SDHB: variants seen among roughly 807,000 people sequenced by gnomAD.
SDHB encodes succinate dehydrogenase [ubiquinone] iron-sulfur subunit, mitochondrial.
Under a neutral mutation model 39.7 loss-of-function variants are expected in SDHB, and 21 were observed. The ratio of observed to expected loss-of-function variants is 0.53; its 90% CI spans 0.37 to 0.76. The LOEUF (loss-of-function observed/expected upper bound fraction) is 0.76. Among genes scored for constraint, SDHB ranks in the 30% least tolerant of loss-of-function variants. SDHB has a pLI of 0.00. For synonymous variants in SDHB, 118 were observed against 117.0 expected, an observed-to-expected ratio of 1.01 and a Z score of -0.06; for missense variants, 343 against 350.9, an observed-to-expected ratio of 0.98 and a Z score of 0.18.
chr1:17,053,707 C>G (rs546803164), intron 1 of SDHB, among the ~76,000 whole-genome samples: 28 of 151,966 alleles, frequency 1.8e-4, no homozygotes, highest in African/African-American at 3.1e-4. Flanking sequence ...ACGTCCCCCC[C>G]CCCCGCACCC....
chr1:17,052,510 G>A (rs984435550), intron 1 of SDHB: 2 of 152,222 alleles, frequency 1.3e-5, no homozygotes, highest in Admixed American at 1.3e-4. Context: ...TTTCTACAAT[G>A]CATTCTTAGA....
intron 3 of SDHB, among the ~76,000 whole-genome samples, chr1:17,030,345 C>T (rs2078015844): frequency 6.6e-6 from 1 of 152,238 alleles, no homozygotes; most frequent in East Asian, 1.9e-4. Context: ...AGAGGTAAGG[C>T]TTCTTCTATT....
At chr1:17,024,158 G>T in intron 5 of SDHB, 84 bp from the exon 6 acceptor site, 2 of 944,648 alleles carry the variant, frequency 2.1e-6, no homozygotes, top group Non-Finnish European at 3.3e-6. Flanking sequence ...TACCTTTGGG[G>T]TCAGTGCATG....
intron 2 of SDHB, among the ~76,000 whole-genome samples, chr1:17,040,125 T>C (rs1454573124): frequency 6.6e-6 from 1 of 152,222 alleles, no homozygotes; most frequent in Non-Finnish European, 1.5e-5. Context: ...TTTAGTACTT[T>C]AAAGATGGTA....
At chr1:17,045,479 T>C (rs946165241) in intron 1 of SDHB, among the ~76,000 whole-genome samples, 3 of 151,868 alleles carry the variant, frequency 2.0e-5, no homozygotes, top group Admixed American at 6.6e-5. Context: ...CTGGGTGTCG[T>C]AGTGTGCGTC....
chr1:17,023,943 T>C, intron 6 of SDHB, 30 bp downstream of exon 6: 3 of 1,540,844 alleles, frequency 1.9e-6, no homozygotes, highest in South Asian at 2.2e-5. Context: ...GAGTTTCAAT[T>C]TCTCTTAAAG....
intron 3 of SDHB, among the ~76,000 whole-genome samples, chr1:17,029,770 C>T (rs979036795): frequency 2.6e-5 from 4 of 152,138 alleles, no homozygotes; most frequent in Non-Finnish European, 5.9e-5. Context: ...GTCACCCAGG[C>T]TGAAGTACAG....
chr1:17,049,172 G>A (rs1250273122), intron 1 of SDHB, among the ~76,000 whole-genome samples: 1 of 152,102 alleles, frequency 6.6e-6, no homozygotes, highest in Admixed American at 6.5e-5. Context: ...GCTAATTTTT[G>A]TAGAGACAGG....
chr1:17,027,541 C>T, intron 5 of SDHB: 1 of 578,816 alleles, frequency 1.7e-6, no homozygotes, highest in South Asian at 1.9e-5. Flanking sequence ...GGGCACAGGG[C>T]TCTAGCTCCT....
chr1:17,021,431 G>T (rs1020922649), intron 7 of SDHB, among the ~76,000 whole-genome samples: 1 of 150,622 alleles, frequency 6.6e-6, no homozygotes, highest in African/African-American at 2.4e-5. Context: ...AACACAGTGA[G>T]ACCCTGTCTT....
chr1:17,031,709 C>T (rs982448971), intron 3 of SDHB, among the ~76,000 whole-genome samples: 3 of 152,036 alleles, frequency 2.0e-5, no homozygotes, highest in Non-Finnish European at 4.4e-5. Flanking sequence ...AGCCATGGGC[C>T]GGTATCAATA....
chr1:17,027,881 A>G lies in SDHB; in HGVS notation c.424-16T>C, dbSNP rs754406155. On this transcript the variant is annotated splice_polypyrimidine_tract_variant and intron_variant, in intron 4 of 7. Coordinates refer to ENST00000375499, the MANE Select transcript of SDHB (RefSeq NM_003000.3). ...TGCTCAAATCCTGTGGTTAAGAGGA[A>G]GAAGAAGAAGAAGAAGAAGAAAAGG... 2.7e-6 allele frequency: 3 copies of G among 1,094,670 alleles called. No individual in the cohort carries two copies. Among genetic ancestry groups the G allele is most frequent in the Admixed American group, 1.9e-5 (1 of 54,052 alleles). 67.8% of individuals were successfully genotyped at this position (1,094,670 alleles called of 1,614,324 possible). A position where few individuals can be genotyped will look rare whatever the true frequency, so the allele number is the denominator to read the frequency against.
intron 2 of SDHB, among the ~76,000 whole-genome samples, chr1:17,033,459 T>C (rs2078034027): frequency 6.6e-6 from 1 of 152,238 alleles, no homozygotes; most frequent in Non-Finnish European, 1.5e-5. Context: ...GCAAAGTTTT[T>C]CCAAATAATT....
At chr1:17,019,067 G>A (rs1009360530) in intron 7 of SDHB, 109 bp from the exon 8 acceptor site, 3 of 852,876 alleles carry the variant, frequency 3.5e-6, no homozygotes, top group Admixed American at 1.8e-5. Context: ...TCCAAGCAAG[G>A]TGAATGCAAA....
At chr1:17,035,468 G>A (rs1203813085) in intron 2 of SDHB, among the ~76,000 whole-genome samples, 2 of 152,088 alleles carry the variant, frequency 1.3e-5, no homozygotes, top group African/African-American at 4.8e-5. Flanking sequence ...TTATTCTAAT[G>A]ATCTGCCTGT....
intron 2 of SDHB, among the ~76,000 whole-genome samples, chr1:17,035,019 T>A (rs1432661749): frequency 1.3e-5 from 2 of 152,186 alleles, no homozygotes; most frequent in Non-Finnish European, 2.9e-5. Flanking sequence ...TCTGTCCACA[T>A]TCTTTGCCTC....
chr1:17,025,250 A>G (rs2077985382), intron 5 of SDHB, among the ~76,000 whole-genome samples: 1 of 152,244 alleles, frequency 6.6e-6, no homozygotes, highest in African/African-American at 2.4e-5. Flanking sequence ...TTTTAAGAAT[A>G]TGAAGAAAAT....
intron 7 of SDHB, among the ~76,000 whole-genome samples, chr1:17,022,057 G>A (rs1300811770): frequency 6.6e-6 from 1 of 152,202 alleles, no homozygotes; most frequent in Non-Finnish European, 1.5e-5. Context: ...AGTGCTGGGA[G>A]GCAGGCGGGT....
intron 1 of SDHB, chr1:17,052,434 G>A (rs2078153649): frequency 6.6e-6 from 1 of 152,104 alleles, no homozygotes; most frequent in African/African-American, 2.4e-5. Flanking sequence ...TCTATTTTCT[G>A]TTGCCCTCAG....
Sources: allele counts gnomAD v4.1 joint callset (sites outside exome capture counted in the v4.1 genomes callset), GRCh38; gene constraint gnomAD v4.1.1; transcripts MANE v1.5; gene names NCBI Gene and HGNC (gene_info 2026-07-23, HGNC 2026-07-21).